The following C2 variants were observed in gnomAD, a reference collection of about 807,000 sequenced individuals.
C2 encodes complement C2, also known as C3/C5 convertase.
In C2, 64 loss-of-function variants were observed where a neutral mutation model predicts 85.2. The ratio of observed to expected loss-of-function variants is 0.75; its 90% CI spans 0.61 to 0.92. The LOEUF (loss-of-function observed/expected upper bound fraction) is 0.92. Among genes scored for constraint, C2 ranks in the 40% least tolerant of loss-of-function variants. C2 has a pLI of 0.00. For missense variants in C2, 820 were observed against 971.6 expected (o/e 0.84, Z 2.07); for synonymous variants, 311 against 370.8 (o/e 0.84, Z 1.85).
chr6:31,929,558 A>G (rs1769554100), intron 3 of C2, among the ~76,000 whole-genome samples: 1 of 151,330 alleles, frequency 6.6e-6, no homozygotes, highest in African/African-American at 2.4e-5. Flanking sequence ...GTCTCTAGTA[A>G]AAATACAAAA....
rs537822875 is a variant in C2 at position 31,930,200 on chromosome 6, G to C, written c.442+1283G>C. Reference sequence around the variant, plus strand: ...GGGTTCAAGTGACTCTCCTGCCTCAGCCTCCCAAGAAGCTGGGATTACAGG... The same window carrying C: ...GGGTTCAAGTGACTCTCCTGCCTCACCCTCCCAAGAAGCTGGGATTACAGG... On this transcript the variant is annotated intron_variant, in intron 3 of 17. Transcript: ENST00000299367. Among the ~76,000 whole-genome samples, 4 of 151,632 alleles carry C rather than the reference G, an allele frequency of 2.6e-5. No homozygotes were observed. In the South Asian group the frequency reaches 8.3e-4, roughly 32 times the overall value.
At position 31,927,767 on chromosome 6, in the gene C2, G is replaced by A; in HGVS notation, c.15G>A (p.Met5Ile). 6.2e-7 allele frequency: 1 copy of A among 1,613,514 alleles called. No homozygotes were observed. Reference sequence around the variant, plus strand: ...GGGAGGACACCATGGGCCCACTGATGGTTCTTTTTTGCCTGCTGTTCCTGT... The same window carrying A: ...GGGAGGACACCATGGGCCCACTGATAGTTCTTTTTTGCCTGCTGTTCCTGT... MGPL[M>I]VLFCLLFLYP... The change falls in exon 1 of 18, where the codon ATG becomes ATA. Residue 5 changes from methionine (M) to isoleucine (I), a missense_variant. Transcript: ENST00000299367. The surrounding 1 kb of genome is among the most constrained non-coding windows in gnomAD (Gnocchi z 4.7).
upstream of C2, among the ~76,000 whole-genome samples, chr6:31,917,731 C>T (rs1365403649): frequency 6.6e-6 from 1 of 151,894 alleles, no homozygotes; most frequent in Admixed American, 6.6e-5. Context: ...CATGGTGAAA[C>T]CCCGTCTCTA....
intron 1 of C2, among the ~76,000 whole-genome samples, chr6:31,913,025 T>C (rs1378220852): frequency 7.9e-6 from 1 of 126,456 alleles, no homozygotes; most frequent in Non-Finnish European, 1.6e-5. Flanking sequence ...GAAACCCTGT[T>C]TCCACAAAAA....
intron 8 of C2, among the ~76,000 whole-genome samples, chr6:31,937,764 A>G (rs918516566): frequency 1.3e-5 from 2 of 150,956 alleles, no homozygotes; most frequent in African/African-American, 4.9e-5. Context: ...GCACTTTGGG[A>G]GGCCAAAGCG....
At chr6:31,937,202 C>G (rs1162697365) in intron 7 of C2, 117 bp from the exon 8 acceptor site, 3 of 1,002,478 alleles carry the variant, frequency 3.0e-6, no homozygotes, top group African/African-American at 4.6e-5. Context: ...GAGCGAGACT[C>G]TCTCAAAAAA....
In C2 at chr6:31,935,500, GTC is replaced by G. The variant is rs1161071604; in HGVS notation, c.850-419_850-418del. On this transcript the variant is annotated intron_variant, in intron 6 of 17. Coordinates refer to ENST00000299367, the MANE Select transcript of C2 (RefSeq NM_000063.6). The surrounding 1 kb of genome is among the most constrained non-coding windows in gnomAD (Gnocchi z 4.3). The stretch of plus-strand genomic sequence containing the variant: ...TTATTATTATTATTTTTGAGATAGA[GTC>G]TCTGTCACCCAGGCTGGAGTACAGT... 1 of 161,528 alleles carries G rather than the reference GTC, an allele frequency of 6.2e-6. No individual in the cohort carries two copies. The highest frequency in any genetic ancestry group is 2.4e-5 in the African/African-American group (1 of 41,440). 10.0% of individuals were successfully genotyped at this position (161,528 alleles called of 1,614,324 possible). A position where few individuals can be genotyped will look rare whatever the true frequency, so the allele number is the denominator to read the frequency against.
At position 31,943,448 on chromosome 6, in the gene C2, C is replaced by A; in HGVS notation, c.1488C>A (p.Leu496=). ...PKSQETCRGA[L]ISDQWVLTAA... is the part of the protein sequence containing the mutation. Reference sequence around the variant, plus strand: ...GCCAAGAGACCTGCCGGGGGGCCCTCATCTCCGACCAATGGGTCCTGACAG... The same window carrying A: ...GCCAAGAGACCTGCCGGGGGGCCCTAATCTCCGACCAATGGGTCCTGACAG... Residue 496 remains leucine (L), a synonymous_variant, in exon 12 of 18, where the codon CTC becomes CTA. Coordinates refer to ENST00000299367, the MANE Select transcript of C2 (RefSeq NM_000063.6). This position sits in a 1 kb window ranked among gnomAD's most constrained non-coding sequence, Gnocchi z 6.4. 6.2e-7 allele frequency: 1 copy of A among 1,613,106 alleles called. No individual in the cohort carries two copies. Among genetic ancestry groups the A allele is most frequent in the Non-Finnish European group, 8.5e-7 (1 of 1,180,040 alleles).
At chr6:31,916,337 T>A (rs1407149746), upstream of C2, among the ~76,000 whole-genome samples, 6 of 151,972 alleles carry the variant, frequency 3.9e-5, no homozygotes, top group Non-Finnish European at 8.8e-5. Context: ...GGTGGGTGGA[T>A]CACCTGAGGT....
At chr6:31,936,311 A>C in intron 7 of C2, 1 of 524,048 alleles carries the variant, frequency 1.9e-6, no homozygotes, top group Non-Finnish European at 3.5e-6. Flanking sequence ...CAGTTGCCAA[A>C]ACCACACTGT....
intron 9 of C2, chr6:31,941,835 T>TTTTTTTTTTTTTG (rs1770907334): frequency 6.7e-6 from 1 of 148,156 alleles, no homozygotes; most frequent in Non-Finnish European, 1.5e-5. Context: ...TTTTTTTTTT[T>TTTTTTTTTTTTTG]TGAGATGGAG....
In C2 at chr6:31,928,167, G is replaced by A; in HGVS notation, c.256+3G>A. The A allele has an allele frequency of 1.9e-6, 3 of 1,604,008 alleles. No homozygotes were observed. The highest frequency in any genetic ancestry group is 2.5e-6 in the Non-Finnish European group (3 of 1,178,248). On this transcript the variant is annotated splice_donor_region_variant and intron_variant, in intron 2 of 17. Transcript: ENST00000299367. Reference sequence around the variant, plus strand: ...TCTGTCTAAGGCGGTCTGCAAACGTGAGGCTCCCTGTGGGCTTTGCTCAGG... The same window carrying A: ...TCTGTCTAAGGCGGTCTGCAAACGTAAGGCTCCCTGTGGGCTTTGCTCAGG...
chr6:31,942,447 A>G (rs1401559290), intron 9 of C2, among the ~76,000 whole-genome samples: 1 of 151,482 alleles, frequency 6.6e-6, no homozygotes, highest in Non-Finnish European at 1.5e-5. Context: ...TAAGAAAACC[A>G]TAGAACCCAG....
chr6:31,900,682 G>T (rs1166596856), upstream of C2: 1 of 1,612,018 alleles, frequency 6.2e-7, no homozygotes, highest in Non-Finnish European at 8.5e-7. The surrounding 1 kb of genome is among the most constrained non-coding windows in gnomAD (Gnocchi z 9.7). Context: ...TGACGATGCA[G>T]ATGTCAGACA....
intron 3 of C2, among the ~76,000 whole-genome samples, chr6:31,932,898 G>A (rs1001932344): frequency 5.3e-5 from 8 of 152,264 alleles, no homozygotes; most frequent in Admixed American, 3.3e-4. Context: ...TGGATCACTC[G>A]CGGTTAGGAG....
chr6:31,940,585 C>G (rs1038725471), intron 9 of C2, among the ~76,000 whole-genome samples: 4 of 152,170 alleles, frequency 2.6e-5, no homozygotes, highest in African/African-American at 7.2e-5. Context: ...TTCCCCTTAG[C>G]TCCTCTCCTT....
At chr6:31,928,694 C>A (rs778615498) in intron 2 of C2, 38 bp from the exon 3 acceptor site, 21 of 1,605,672 alleles carry the variant, frequency 1.3e-5, no homozygotes, top group Admixed American at 5.0e-5. Flanking sequence ...TGTTATCCAT[C>A]CAGTCCTATA....
rs751593397 is a variant in C2, at chr6:31,937,472, G to T, written c.1129+13G>T. The T allele has an allele frequency of 1.2e-5, 20 of 1,612,662 alleles. No individual in the cohort carries two copies. The Admixed American group carries it at 1.7e-4, about 13-fold the overall frequency. On this transcript the variant is annotated intron_variant, in intron 8 of 17. Transcript: ENST00000299367. ...CTTCTGACAGATGGTGGGTATCATG[G>T]TCTCTGAGTGTGTCTGGAATAGTGG...
At chr6:31,913,716 G>A (rs1170482197) in intron 1 of C2, among the ~76,000 whole-genome samples, 3 of 151,726 alleles carry the variant, frequency 2.0e-5, no homozygotes, top group African/African-American at 4.8e-5. Context: ...GCGTGATCTC[G>A]GCTCACTGCA....
Sources: gnomAD v4.1 joint callset for allele counts (sites outside exome capture counted in the v4.1 genomes callset) on GRCh38, gnomAD v4.1.1 for gene constraint, Gnocchi (gnomAD v3.1) non-coding constraint, MANE v1.5 for transcripts, NCBI Gene and HGNC (gene_info 2026-07-23, HGNC 2026-07-21) for gene names.